Variants in ACACA observed in about 807,000 individuals in gnomAD.
ACACA encodes the protein acetyl-CoA carboxylase 1.
In ACACA, 103 loss-of-function variants were observed where a neutral mutation model predicts 296.1. The observed-to-expected ratio is 0.35, with a 90% confidence interval of 0.30 to 0.41. ACACA has a LOEUF of 0.41. Among genes scored for constraint, ACACA ranks in the 10% least tolerant of loss-of-function variants. ACACA has a pLI of 1.00. For missense variants in ACACA, 1,554 were observed against 2,989.7 expected (o/e 0.52, Z 11.20); for synonymous variants, 953 against 1,038.6 (o/e 0.92, Z 1.58).
At chr17:37,202,710 T>C (rs1195740486) in intron 33 of ACACA, among the ~76,000 whole-genome samples, 2 of 18,180 alleles carry the variant, frequency 1.1e-4, no homozygotes, top group African/African-American at 5.4e-4. Context: ...TATATATATA[T>C]ATACACACAC....
intron 29 of ACACA, among the ~76,000 whole-genome samples, chr17:37,216,159 A>C (rs905524526): frequency 0.064 from 5,796 of 90,806 alleles, 333 homozygotes; most frequent in African/African-American, 0.19. Context: ...CACACACACA[A>C]CATACACATG....
intron 21 of ACACA, 77 bp downstream of exon 21, chr17:37,244,511 C>G (rs2080592192): frequency 6.4e-7 from 1 of 1,557,652 alleles, no homozygotes; most frequent in Non-Finnish European, 8.8e-7. Context: ...CTTAAACAAT[C>G]ATTATGAGAC....
At chr17:37,339,951 A>C (rs891407745) in intron 1 of ACACA, 101 bp from the exon 2 acceptor site, 1 of 647,316 alleles carries the variant, frequency 1.5e-6, no homozygotes, top group African/African-American at 1.8e-5. Context: ...TAATATATGA[A>C]GTATCTATTT....
intron 42 of ACACA, among the ~76,000 whole-genome samples, chr17:37,156,049 CTTTCTTTTTTT>C (rs1332053919): frequency 1.0e-4 from 13 of 129,322 alleles, no homozygotes; most frequent in African/African-American, 3.0e-4. Context: ...TTCTTTCTTT[CTTTCTTTTTTT>C]TTTTTTTTTT....
chr17:37,160,334 T>C (rs1163290963), intron 42 of ACACA, among the ~76,000 whole-genome samples: 1 of 152,230 alleles, frequency 6.6e-6, no homozygotes, highest in African/African-American at 2.4e-5. Flanking sequence ...AAGTAGGAAC[T>C]ATTCATTCAA....
intron 8 of ACACA, among the ~76,000 whole-genome samples, chr17:37,275,035 T>C (rs556197347): frequency 3.9e-5 from 6 of 151,916 alleles, no homozygotes; most frequent in Non-Finnish European, 5.9e-5. Context: ...CACATGGAAC[T>C]GTTTAAGGGA....
chr17:37,161,100 T>C (rs972168891), intron 42 of ACACA, among the ~76,000 whole-genome samples: 2 of 152,056 alleles, frequency 1.3e-5, no homozygotes, highest in Admixed American at 1.3e-4. Context: ...TGACTATTAG[T>C]AATGGACAGA....
At chr17:37,180,354 A>G (rs2077272190) in intron 40 of ACACA, among the ~76,000 whole-genome samples, 1 of 152,196 alleles carries the variant, frequency 6.6e-6, no homozygotes, top group South Asian at 2.1e-4. Flanking sequence ...AATCTCTTGT[A>G]TTTGTGAATA....
rs371424161 is a variant in ACACA at position 37,112,762 on chromosome 17, C to T, written c.6452+326G>A. Among the ~76,000 whole-genome samples the T allele has an allele frequency of 2.8e-4, 43 of 152,214 alleles. No homozygotes were observed. The South Asian group carries it at 8.1e-3, about 29-fold the overall frequency. ...TTCCTTGGAAAATGTCAAAGAAACA[C>T]GTTTTGAAGTTTACTTAGGAAAGAG... is the stretch of plus-strand genomic sequence containing the variant. On this transcript the variant is annotated intron_variant, in intron 51 of 55. Coordinates refer to ENST00000616317, the MANE Select transcript of ACACA (RefSeq NM_198834.3).
intron 32 of ACACA, among the ~76,000 whole-genome samples, chr17:37,206,346 T>C (rs2078500327): frequency 6.6e-6 from 1 of 152,146 alleles, no homozygotes; most frequent in African/African-American, 2.4e-5. Flanking sequence ...TACTGATAAA[T>C]AAAAAGAAAT....
At chr17:37,094,574 C>A (rs1056734330) in intron 54 of ACACA, among the ~76,000 whole-genome samples, 17 of 30,456 alleles carry the variant, frequency 5.6e-4, no homozygotes, top group African/African-American at 3.4e-3. Flanking sequence ...GAAGAACCAC[C>A]CCCCCCCCCC....
chr17:37,401,991 T>TGGTAC (rs1365598683), intron 1 of ACACA, among the ~76,000 whole-genome samples: 3 of 152,216 alleles, frequency 2.0e-5, no homozygotes, highest in African/African-American at 4.8e-5. Flanking sequence ...GTTGGGTTCC[T>TGGTAC]GGTACAAAAG....
chr17:37,105,133 G>T (rs28481702), intron 52 of ACACA, among the ~76,000 whole-genome samples: 2,249 of 152,086 alleles, frequency 0.015, 64 homozygotes, highest in African/African-American at 0.05. Flanking sequence ...TCAAAGCTTG[G>T]AATAAAAATC....
In ACACA at chr17:37,259,525, C is replaced by T. The variant is rs190973741; in HGVS notation, c.1335G>A (p.Ala445=). The T allele has an allele frequency of 1.5e-5, 24 of 1,614,152 alleles. No homozygotes were observed. Among genetic ancestry groups the T allele is most frequent in the Middle Eastern group, 1.6e-4 (1 of 6,062 alleles). Residue 445 remains alanine (A), a synonymous_variant, in exon 12 of 56, where the codon GCG becomes GCA. Coordinates refer to ENST00000616317, the MANE Select transcript of ACACA (RefSeq NM_198834.3). ...PAVFEHMEQC[A]VKLAKMVGYV... ...AACCCACCATTTTGGCAAGTTTCAC[C>T]GCACACTCAAAGAAGAGAGATAAGC...
intron 1 of ACACA, among the ~76,000 whole-genome samples, chr17:37,355,061 T>C (rs1460006217): frequency 6.7e-6 from 1 of 149,446 alleles, no homozygotes; most frequent in South Asian, 2.1e-4. Flanking sequence ...CTGGCCAATA[T>C]GGTGAAACCC....
At position 37,116,194 on chromosome 17, in the gene ACACA, C is replaced by T. The variant is rs376937333; in HGVS notation, c.6275-2929G>A. Among the ~76,000 whole-genome samples, 9 of 152,160 alleles carry T rather than the reference C, an allele frequency of 5.9e-5. No individual in the cohort carries two copies. In the South Asian group the frequency reaches 1.2e-3, roughly 21 times the overall value. The stretch of plus-strand genomic sequence containing the variant: ...TTTTTGTAGAGACGGGGTTTCACCA[C>T]GTTGCCCAGACTGGTCTCGCTGAGC... On this transcript the variant is annotated intron_variant, in intron 50 of 55. Transcript: ENST00000616317.
At chr17:37,359,233 G>T in intron 1 of ACACA, 1 of 767,276 alleles carries the variant, frequency 1.3e-6, no homozygotes, top group Non-Finnish European at 1.6e-6. Context: ...GTTACTCCAG[G>T]CCGTTCACCT....
chr17:37,286,147 T>C (rs911272110), intron 3 of ACACA, among the ~76,000 whole-genome samples: 23 of 152,074 alleles, frequency 1.5e-4, no homozygotes, highest in Non-Finnish European at 2.9e-4. Context: ...ACCTCGGCCT[T>C]CCAAAGTGTT....
At chr17:37,355,248 A>C (rs1179249219) in intron 1 of ACACA, among the ~76,000 whole-genome samples, 2 of 149,370 alleles carry the variant, frequency 1.3e-5, no homozygotes, top group East Asian at 3.9e-4. Flanking sequence ...ATCTCCAAAA[A>C]AATAAATAAA....
Sources: allele counts gnomAD v4.1 joint callset (sites outside exome capture counted in the v4.1 genomes callset), GRCh38; gene constraint gnomAD v4.1.1; transcripts MANE v1.5; gene names NCBI Gene and HGNC (gene_info 2026-07-23, HGNC 2026-07-21).